ADAMTSL1: variants seen among roughly 807,000 people sequenced by gnomAD.
ADAMTSL1 encodes ADAMTS like 1.
ADAMTSL1 carries 126 observed loss-of-function variants against 201.8 expected under a neutral mutation model. The observed-to-expected ratio is 0.62, with a 90% CI of 0.54 to 0.72. ADAMTSL1 has a LOEUF of 0.72. Ranked by LOEUF, ADAMTSL1 falls within the 30% of genes least tolerant of loss-of-function variation. The pLI is 0.00. For synonymous variants in ADAMTSL1, 1,121 were observed against 903.4 expected (o/e 1.24, Z -4.32); for missense variants, 2,679 against 2,277.8 (o/e 1.18, Z -3.59).
chr9:18,317,508 A>G (rs1834453084), intron 2 of ADAMTSL1, among the ~76,000 whole-genome samples: 2 of 152,176 alleles, frequency 1.3e-5, no homozygotes, highest in Non-Finnish European at 2.9e-5. Context: ...GTATACATTT[A>G]TGAAATCATC....
chr9:17,928,779 T>A (rs973116127), intron 1 of ADAMTSL1, among the ~76,000 whole-genome samples: 1 of 152,144 alleles, frequency 6.6e-6, no homozygotes, highest in Non-Finnish European at 1.5e-5. Flanking sequence ...ATATTTTTTG[T>A]GCATCTGACC....
intron 23 of ADAMTSL1, among the ~76,000 whole-genome samples, chr9:18,877,573 G>C (rs1196116728): frequency 1.3e-5 from 2 of 152,168 alleles, no homozygotes; most frequent in African/African-American, 4.8e-5. Flanking sequence ...AGAGTCTTGT[G>C]ATGTGATTTG....
chr9:18,037,909 G>A (rs1437649696), intron 1 of ADAMTSL1, among the ~76,000 whole-genome samples: 1 of 151,558 alleles, frequency 6.6e-6, no homozygotes, highest in Admixed American at 6.6e-5. Flanking sequence ...ATCCCCAGCA[G>A]GCTTCAAAAT....
rs149617013 is a variant in ADAMTSL1, at chr9:18,623,642, G to A, written c.601+1273G>A. The stretch of plus-strand genomic sequence containing the variant: ...GCCAAAAATTGAGTCATTAATCTGA[G>A]GCATTTTATGATACACAGTCTGACA... On this transcript the variant is annotated intron_variant, in intron 5 of 28. Coordinates refer to ENST00000380548, the MANE Select transcript of ADAMTSL1 (RefSeq NM_001040272.6). 2.8e-4 allele frequency among the ~76,000 whole-genome samples: 43 copies of A among 152,294 alleles called. No homozygotes were observed. In the East Asian group the frequency reaches 7.5e-3, roughly 27 times the overall value.
chr9:17,999,520 C>A lies in ADAMTSL1; in HGVS notation c.87+92598C>A, dbSNP rs548876284. On this transcript the variant is annotated intron_variant, in intron 1 of 29. Transcript: ENST00000680146. ...ACAATTGACATATTAATACTATGCT[C>A]TATTGAGATTTGGCTTCAAGCTGTC... is the stretch of plus-strand genomic sequence containing the variant. 2.6e-4 allele frequency among the ~76,000 whole-genome samples: 39 copies of A among 151,076 alleles called. 1 individual carries two copies. The South Asian group carries it at 7.9e-3, about 31-fold the overall frequency.
chr9:18,479,818 CA>C (rs1429230922), intron 1 of ADAMTSL1, among the ~76,000 whole-genome samples: 1 of 152,078 alleles, frequency 6.6e-6, no homozygotes, highest in African/African-American at 2.4e-5. Flanking sequence ...AAGGTGAAAA[CA>C]GGGAAAAGTA....
chr9:18,091,720 A>G (rs1037980005), intron 1 of ADAMTSL1, among the ~76,000 whole-genome samples: 17 of 152,172 alleles, frequency 1.1e-4, no homozygotes, highest in African/African-American at 4.1e-4. Context: ...GCAATGTGGC[A>G]TGAGTAATTG....
At chr9:18,315,820 G>C (rs1586881413) in intron 2 of ADAMTSL1, among the ~76,000 whole-genome samples, 1 of 152,228 alleles carries the variant, frequency 6.6e-6, no homozygotes, top group African/African-American at 2.4e-5. Context: ...CACAGCCAGA[G>C]TGGACACCAA....
chr9:18,262,219 G>A (rs1831950984), intron 2 of ADAMTSL1, among the ~76,000 whole-genome samples: 1 of 152,126 alleles, frequency 6.6e-6, no homozygotes, highest in Non-Finnish European at 1.5e-5. Context: ...AGTAATGACT[G>A]GTGGAGTATA....
chr9:18,670,133 TACTAC>T (rs1829724299), intron 9 of ADAMTSL1, among the ~76,000 whole-genome samples: 1 of 152,214 alleles, frequency 6.6e-6, no homozygotes, highest in Non-Finnish European at 1.5e-5. Context: ...GAGACCCTTC[TACTAC>T]ACACAATTTT....
chr9:18,893,271 G>C (rs1422795139), intron 26 of ADAMTSL1, among the ~76,000 whole-genome samples: 1 of 152,084 alleles, frequency 6.6e-6, no homozygotes, highest in African/African-American at 2.4e-5. Flanking sequence ...CTTATTGGCA[G>C]TTTGTAAAAT....
chr9:18,661,098 C>G (rs999050014), intron 8 of ADAMTSL1, among the ~76,000 whole-genome samples: 1 of 151,996 alleles, frequency 6.6e-6, no homozygotes, highest in Non-Finnish European at 1.5e-5. Flanking sequence ...GAATCTAAGT[C>G]TTGATCACCA....
chr9:18,336,461 GAAAGT>G (rs1301932465), intron 2 of ADAMTSL1, among the ~76,000 whole-genome samples: 1 of 152,052 alleles, frequency 6.6e-6, no homozygotes, highest in African/African-American at 2.4e-5. Flanking sequence ...TTTTCAAAAA[GAAAGT>G]AAAACTGTGA....
chr9:18,694,788 A>G (rs903207059), intron 13 of ADAMTSL1, among the ~76,000 whole-genome samples: 7 of 152,194 alleles, frequency 4.6e-5, no homozygotes, highest in Non-Finnish European at 1.0e-4. Flanking sequence ...GCAGTGCCCC[A>G]GTTGAGACTC....
chr9:18,579,141 T>C (rs1326075671), intron 4 of ADAMTSL1, among the ~76,000 whole-genome samples: 1 of 151,050 alleles, frequency 6.6e-6, no homozygotes, highest in Non-Finnish European at 1.5e-5. Context: ...GTGGCACATA[T>C]ACACCATGGA....
chr9:18,341,257 C>T (rs1361286229), intron 2 of ADAMTSL1, among the ~76,000 whole-genome samples: 1 of 152,142 alleles, frequency 6.6e-6, no homozygotes, highest in African/African-American at 2.4e-5. Flanking sequence ...CTTTCAGGCT[C>T]TCTGGTCCAG....
intron 2 of ADAMTSL1, among the ~76,000 whole-genome samples, chr9:18,317,879 G>A (rs770529406): frequency 3.9e-5 from 6 of 152,166 alleles, no homozygotes; most frequent in Non-Finnish European, 7.3e-5. Flanking sequence ...TAATCCCAGC[G>A]CCTAGAGAAC....
chr9:18,574,310 A>G, intron 4 of ADAMTSL1, 44 bp downstream of exon 4: 5 of 1,521,230 alleles, frequency 3.3e-6, no homozygotes, highest in South Asian at 1.1e-5. Context: ...AGAGGGTTTC[A>G]ATGTCTTTGT....
chr9:18,062,492 G>T (rs1456766887), intron 1 of ADAMTSL1, among the ~76,000 whole-genome samples: 1 of 151,954 alleles, frequency 6.6e-6, no homozygotes, highest in East Asian at 1.9e-4. Flanking sequence ...CTTTTATTTG[G>T]CAAATACTTA....
Sources: allele counts gnomAD v4.1 joint callset (sites outside exome capture counted in the v4.1 genomes callset), GRCh38; gene constraint gnomAD v4.1.1; transcripts MANE v1.5; gene names NCBI Gene and HGNC (gene_info 2026-07-23, HGNC 2026-07-21).